UBA1: variants seen among roughly 807,000 people sequenced by gnomAD.
The protein encoded by UBA1 is ubiquitin like modifier activating enzyme 1.
In UBA1, 4 loss-of-function variants were observed where a neutral mutation model predicts 84.7. That is an observed-to-expected ratio of 0.05 (90% CI 0.02 to 0.11). UBA1 has a LOEUF of 0.11. Among genes scored for constraint, UBA1 ranks in the 10% least tolerant of loss-of-function variants. The pLI, the probability that UBA1 is intolerant of heterozygous loss-of-function variation, is 1.00. For synonymous variants in UBA1, 364 were observed against 362.6 expected (o/e 1.00, Z -0.04); for missense variants, 513 against 902.8 (o/e 0.57, Z 5.53).
At chrX:47,192,159 C>T (rs1936076696), upstream of UBA1, among the ~76,000 whole-genome samples, 1 of 111,505 alleles carries the variant, frequency 9.0e-6, no homozygotes, top group South Asian at 3.7e-4. Flanking sequence ...AAGTAATTTG[C>T]CTAAGGTCAC....
chrX:47,194,657 A>G (rs1409166948), intron 1 of UBA1, among the ~76,000 whole-genome samples: 1 of 111,436 alleles, frequency 9.0e-6, no homozygotes, highest in African/African-American at 3.3e-5. Flanking sequence ...TCTTCGCCAC[A>G]CGTCAGGTCT....
Position 47,214,539 on chromosome X carries a change from A to G in UBA1, c.2943A>G (p.Thr981=). The G allele has an allele frequency of 8.3e-7, 1 of 1,210,787 alleles. No homozygotes were observed. Among genetic ancestry groups the G allele is most frequent in the Middle Eastern group, 2.3e-4 (1 of 4,353 alleles). Residue 981 remains threonine, a splice_region_variant and synonymous_variant, in exon 25 of 26, where the codon ACA becomes ACG. Transcript: ENST00000335972. ...TGCTGTTCCCCCTCCCTCTCCAGAC[A>G]GAGCACAAATTAGAGATCACCATGC... ...TLKQFLDYFK[T]EHKLEITMLS...
At position 47,197,291 on chromosome X, in the gene UBA1, C is replaced by T. The variant is rs782428301; in HGVS notation, c.1-1512C>T. The T allele has an allele frequency of 3.6e-5, 27 of 753,789 alleles. No homozygotes were observed. The African/African-American group carries it at 6.0e-4, about 17-fold the overall frequency. The allele number at this position is 753,789 out of a possible 1,213,427, so 62.1% of individuals were successfully genotyped here. On this transcript the variant is annotated intron_variant, in intron 1 of 25. Coordinates refer to ENST00000335972, the MANE Select transcript of UBA1 (RefSeq NM_003334.4). ...TGGGGTTCTCTAAGCCTTTCTTTTC[C>T]CATTTGTGATTTGGGCATAGGGTTA... is the stretch of plus-strand genomic sequence containing the variant.
rs1481710267 is a variant in UBA1 at position 47,210,039 on chromosome X, C to T, written c.2115C>T (p.Asp705=). ...TGCAGCGACCACAGACCTGGGCTGA[C>T]TGCGTGACCTGGGCCTGCCACCACT... ...LVLQRPQTWA[D]CVTWACHHWH... is the part of the protein sequence containing the mutation. Residue 705 remains aspartate, a synonymous_variant, in exon 18 of 26, where the codon GAC becomes GAT. Transcript: ENST00000335972. The T allele has an allele frequency of 5.8e-6, 7 of 1,210,819 alleles. No homozygotes were observed. The East Asian group carries it at 1.8e-4, about 31-fold the overall frequency.
intron 5 of UBA1, among the ~76,000 whole-genome samples, chrX:47,200,255 C>T (rs938980870): frequency 8.9e-6 from 1 of 112,093 alleles, no homozygotes; most frequent in African/African-American, 3.2e-5. Flanking sequence ...GTAGTCAGTG[C>T]GTGGTAGCAG....
Position 47,199,611 on chromosome X carries a change from C to T in UBA1, c.477C>T (p.Phe159=), listed in dbSNP as rs782058610. 3 of 1,209,461 alleles carry T rather than the reference C, an allele frequency of 2.5e-6. No homozygotes were observed. Among genetic ancestry groups the T allele is most frequent in the African/African-American group, 1.8e-5 (1 of 57,047 alleles). The change falls in exon 5 of 26, where the codon TTC becomes TTT. Residue 159 remains phenylalanine (F), a synonymous_variant. Coordinates refer to ENST00000335972, the MANE Select transcript of UBA1 (RefSeq NM_003334.4). ...GPLVEDFLSG[F]QVVVLTNTPL... ...TCGTTGAGGACTTCCTTAGTGGTTT[C>T]CAGGTATCTTGGGGGTACTACCCAG...
At position 47,199,540 on chromosome X, in the gene UBA1, G is replaced by T. The variant is rs1159180530; in HGVS notation, c.406G>T (p.Ala136Ser). ...GGCCGAGGTATCACAGCCCCGCCTC[G>T]CTGAGCTCAACAGCTATGTGCCTGT... is the stretch of plus-strand genomic sequence containing the variant. ...NRAEVSQPRL[A>S]ELNSYVPVTA... is the part of the protein sequence containing the mutation. The change falls in exon 5 of 26, where the codon GCT (alanine) becomes TCT (serine). Residue 136 changes from alanine (A) to serine (S), a missense_variant. By Grantham distance (99) the Ala-to-Ser change is moderately conservative (BLOSUM62 1). Coordinates refer to ENST00000335972, the MANE Select transcript of UBA1 (RefSeq NM_003334.4). The T allele has an allele frequency of 7.4e-6, 9 of 1,209,772 alleles. No homozygotes were observed. The highest frequency in any genetic ancestry group is 8.9e-6 in the Non-Finnish European group (8 of 895,084).
chrX:47,205,318 G>T, intron 14 of UBA1: 1 of 291,665 alleles, frequency 3.4e-6, no homozygotes. Context: ...GGTGGTGGTT[G>T]GGGGAGTCTG....
intron 3 of UBA1, 26 bp downstream of exon 3, chrX:47,199,132 G>C: frequency 8.2e-7 from 1 of 1,212,487 alleles, no homozygotes; most frequent in Non-Finnish European, 1.1e-6. Context: ...GCCGGGCTGA[G>C]GGGTGTGGAA....
chrX:47,199,846 G>A (rs987484294), intron 5 of UBA1, among the ~76,000 whole-genome samples: 7 of 107,508 alleles, frequency 6.5e-5, no homozygotes, highest in African/African-American at 2.4e-4. Context: ...GCAGTGGCGC[G>A]ATCTCGGCTC....
chrX:47,197,141 C>G (rs1038092834), intron 1 of UBA1: 128 of 753,757 alleles, frequency 1.7e-4, no homozygotes, highest in Non-Finnish European at 2.0e-4. Context: ...CTGGCTATCT[C>G]AGGGGCTCCA....
intron 1 of UBA1, among the ~76,000 whole-genome samples, chrX:47,196,283 G>A (rs1306437427): frequency 9.1e-6 from 1 of 110,269 alleles, no homozygotes; most frequent in Non-Finnish European, 1.9e-5. Flanking sequence ...CTCCTCTCAC[G>A]TTCCCATGGA....
chrX:47,211,074 G>T lies in UBA1; in HGVS notation c.2313G>T (p.Leu771=). Residue 771 remains leucine, a synonymous_variant, in exon 20 of 26, where the codon CTG becomes CTT. Transcript: ENST00000335972. ...ACTATGTGATGGCTGCTGCCAACCT[G>T]TTTGCCCAGACCTACGGGCTGACAG... ...HLDYVMAAAN[L]FAQTYGLTGS... 1 of 1,211,691 alleles carries T rather than the reference G, an allele frequency of 8.3e-7. No homozygotes were observed. Among genetic ancestry groups the T allele is most frequent in the Non-Finnish European group, 1.1e-6 (1 of 895,566 alleles).
Position 47,214,299 on chromosome X carries a change from A to G in UBA1, c.2839-28A>G, listed in dbSNP as rs782611341. 5 of 1,190,212 alleles carry G rather than the reference A, an allele frequency of 4.2e-6. No homozygotes were observed. The African/African-American group carries it at 7.1e-5, about 17-fold the overall frequency. ...GGCTGGACCCTCTGGGATGGTCTCC[A>G]TCTTACACTCCCCTCTTTGTCTTGC... is the stretch of plus-strand genomic sequence containing the variant. On this transcript the variant is annotated intron_variant, in intron 23 of 25. Transcript: ENST00000335972.
At chrX:47,208,947 C>T (rs1321585575) in intron 16 of UBA1, 5 of 112,546 alleles carry the variant, frequency 4.4e-5, no homozygotes, top group Non-Finnish European at 9.3e-5. Flanking sequence ...AAAAATTAGC[C>T]GGGTGTGGTG....
chrX:47,208,271 A>ATG (rs1936754796), intron 16 of UBA1, among the ~76,000 whole-genome samples: 1 of 41,098 alleles, frequency 2.4e-5, no homozygotes, highest in Non-Finnish European at 4.5e-5. Context: ...AAGTGTCTGT[A>ATG]CGTGTGTGTG....
At chrX:47,197,877 G>T (rs1556786001) in intron 1 of UBA1, 2 of 649,564 alleles carry the variant, frequency 3.1e-6, no homozygotes, top group Middle Eastern at 8.7e-4. Flanking sequence ...GGGTATTATT[G>T]ATAGCAGTCC....
chrX:47,209,862 T>A lies in UBA1; in HGVS notation c.2004-66T>A. On this transcript the variant is annotated intron_variant, in intron 17 of 25. Transcript: ENST00000335972. Reference sequence around the variant, plus strand: ...TAGTTTTCCATGGAGAAAGTAAGATTGCTCTGGAGCCCACTCTTGAGGCTG... The same window carrying A: ...TAGTTTTCCATGGAGAAAGTAAGATAGCTCTGGAGCCCACTCTTGAGGCTG... The A allele has an allele frequency of 2.6e-6, 3 of 1,163,396 alleles. No individual in the cohort carries two copies. In the Admixed American group the frequency reaches 6.5e-5, roughly 25 times the overall value.
At chrX:47,208,324 CGTGTGTGTGT>C (rs71925003) in intron 16 of UBA1, among the ~76,000 whole-genome samples, 1,382 of 107,274 alleles carry the variant, frequency 0.013, 16 homozygotes, top group African/African-American at 0.044. Flanking sequence ...AGTGTGTGTA[CGTGTGTGTGT>C]GTGTGTGTGC....
Sources: gnomAD v4.1 joint callset for allele counts (sites outside exome capture counted in the v4.1 genomes callset) on GRCh38, gnomAD v4.1.1 for gene constraint, MANE v1.5 for transcripts, NCBI Gene and HGNC (gene_info 2026-07-23, HGNC 2026-07-21) for gene names.